The following PRSS54 variants were observed in gnomAD, a reference collection of about 807,000 sequenced individuals.
The protein encoded by PRSS54 is serine protease 54, also known as inactive serine protease 54.
PRSS54 carries 16 observed loss-of-function variants against 19.9 expected under a neutral mutation model. That is an observed-to-expected ratio of 0.80 (90% CI 0.54 to 1.22). The LOEUF is 1.22. Among genes scored for constraint, PRSS54 ranks in the 50% most tolerant of loss-of-function variants. PRSS54 has a pLI of 0.00. For missense variants in PRSS54, 444 were observed against 494.8 expected (o/e 0.90, Z 0.97); for synonymous variants, 177 against 195.8 (o/e 0.90, Z 0.80).
At chr16:58,283,346 G>A (rs376145299) in intron 6 of PRSS54, 1 of 152,178 alleles carries the variant, frequency 6.6e-6, no homozygotes. Context: ...AAAAATGAAG[G>A]CATGTTTAGA....
At chr16:58,293,117 G>T (rs2142655929) in intron 3 of PRSS54, among the ~76,000 whole-genome samples, 1 of 152,150 alleles carries the variant, frequency 6.6e-6, no homozygotes, top group East Asian at 1.9e-4. Context: ...GTATGTGAGG[G>T]TGTGTGTGGA....
intron 3 of PRSS54, among the ~76,000 whole-genome samples, chr16:58,293,126 G>A (rs1490762590): frequency 6.6e-6 from 1 of 151,648 alleles, no homozygotes; most frequent in East Asian, 1.9e-4. Flanking sequence ...GGTGTGTGTG[G>A]ACTTTCTCAT....
intron 2 of PRSS54, 29 bp from the exon 3 acceptor site, chr16:58,293,851 C>T: frequency 6.3e-7 from 1 of 1,582,200 alleles, no homozygotes; most frequent in Non-Finnish European, 8.6e-7. Flanking sequence ...ATGACTCCAT[C>T]CTCTTCCCAA....
intron 3 of PRSS54, 134 bp from the exon 4 acceptor site, chr16:58,291,270 T>A: frequency 1.3e-6 from 1 of 793,450 alleles, no homozygotes; most frequent in Non-Finnish European, 1.9e-6. Context: ...TGTGTCTTCT[T>A]CACCCTAAAA....
Position 58,285,744 on chromosome 16 carries a change from A to AAAGAAG in PRSS54, c.522+187_522+192dup, listed in dbSNP as rs1555513785. On this transcript the variant is annotated intron_variant, in intron 5 of 6. Coordinates refer to ENST00000567164, the MANE Select transcript of PRSS54 (RefSeq NM_001305173.2). ...GTCTCAAAAAAAAAAAAAAAAAAAA[A>AAAGAAG]AAGAAGAAGAAGAAGAAGAGTGGCT... Among the ~76,000 whole-genome samples, 53 of 77,326 alleles carry AAAGAAG rather than the reference A, an allele frequency of 6.9e-4. 1 individual carries two copies. The highest frequency in any genetic ancestry group is 2.2e-3 in the African/African-American group (31 of 13,962). 50.7% of individuals were successfully genotyped at this position (77,326 alleles called of 152,430 possible). A position where few individuals can be genotyped will look rare whatever the true frequency, so the allele number is the denominator to read the frequency against.
Position 58,280,379 on chromosome 16 carries a change from T to C in PRSS54, c.1033A>G (p.Arg345Gly). ...GGTTGTACAGACGCCTCAGGAGACC[T>C]GCCTGATTCCTTTACATCCTTCTCC... ...VREKDVKESG[R>G]SPEASVQPLY... The change falls in exon 7 of 7, where the codon AGG (arginine) becomes GGG (glycine). Residue 345 changes from arginine (R) to glycine (G), a missense_variant. Physicochemically the swap from Arg to Gly is moderately radical, Grantham distance 125 (BLOSUM62 -2). Transcript: ENST00000567164. 1.2e-6 allele frequency: 2 copies of C among 1,614,204 alleles called. No individual in the cohort carries two copies. Among genetic ancestry groups the C allele is most frequent in the Non-Finnish European group, 1.7e-6 (2 of 1,180,032 alleles).
At chr16:58,293,582 C>T (rs1204840079) in intron 3 of PRSS54, 150 bp downstream of exon 3, 5 of 1,474,390 alleles carry the variant, frequency 3.4e-6, no homozygotes, top group Non-Finnish European at 4.5e-6. Flanking sequence ...CTGGTTCCTG[C>T]CACCAATGCA....
rs17241091 is a variant in PRSS54, at chr16:58,280,044, G to A, written c.*180C>T. The A allele has an allele frequency of 0.062, 41,014 of 662,238 alleles. 1,435 individuals are homozygous for A. Among genetic ancestry groups the A allele is most frequent in the Middle Eastern group, 0.1 (252 of 2,412 alleles). 41.0% of individuals were successfully genotyped at this position (662,238 alleles called of 1,614,324 possible). ...CATTTAGTTCACAAGCATAGTGAAA[G>A]TGACCTTCCCACACCTGGGAGAGGG... On this transcript the variant is annotated 3_prime_UTR_variant, in exon 7 of 7. Coordinates refer to ENST00000567164, the MANE Select transcript of PRSS54 (RefSeq NM_001305173.2).
At chr16:58,285,215 G>T (rs1964886696) in intron 5 of PRSS54, 1 of 156,970 alleles carries the variant, frequency 6.4e-6, no homozygotes, top group Admixed American at 6.1e-5. Flanking sequence ...GTGCAAACAG[G>T]CAGAGAACAC....
chr16:58,292,429 A>G (rs1567516936), intron 3 of PRSS54, among the ~76,000 whole-genome samples: 2 of 152,174 alleles, frequency 1.3e-5, no homozygotes, highest in Admixed American at 6.5e-5. Flanking sequence ...CAGGACATAA[A>G]GTCTCGGAGG....
intron 4 of PRSS54, among the ~76,000 whole-genome samples, chr16:58,287,808 G>A (rs916887284): frequency 6.6e-6 from 1 of 152,090 alleles, no homozygotes; most frequent in African/African-American, 2.4e-5. Flanking sequence ...CAAAGATGAG[G>A]TCATCTTAAT....
rs1243371141 is a variant in PRSS54, at chr16:58,294,080, C to T, written c.-102G>A. On this transcript the variant is annotated 5_prime_UTR_variant, in exon 2 of 7. Coordinates refer to ENST00000567164, the MANE Select transcript of PRSS54 (RefSeq NM_001305173.2). ...GAGATGGCCAGAGAAGAGAGGGCAGCTTACTCTTGTCAGTTTTCTTCTCAA... is the reference window on the plus strand; with the variant it reads ...GAGATGGCCAGAGAAGAGAGGGCAGTTTACTCTTGTCAGTTTTCTTCTCAA... The T allele has an allele frequency of 2.1e-6, 1 of 477,686 alleles. No individual in the cohort carries two copies. The highest frequency in any genetic ancestry group is 1.9e-5 in the African/African-American group (1 of 51,306). 29.6% of individuals were successfully genotyped at this position (477,686 alleles called of 1,614,324 possible). A position where few individuals can be genotyped will look rare whatever the true frequency, so the allele number is the denominator to read the frequency against.
At chr16:58,282,718 C>T (rs1964801766) in intron 6 of PRSS54, 2 of 152,262 alleles carry the variant, frequency 1.3e-5, no homozygotes, top group Admixed American at 1.3e-4. Context: ...TTGTGTGCAC[C>T]TCACTATGTC....
chr16:58,286,361 A>T (rs1048098780), intron 4 of PRSS54, among the ~76,000 whole-genome samples, 166 bp from the exon 5 acceptor site: 1 of 152,176 alleles, frequency 6.6e-6, no homozygotes, highest in Non-Finnish European at 1.5e-5. Flanking sequence ...GAAATCTTTT[A>T]TGAACCCCTA....
chr16:58,284,023 T>C (rs1964850534), intron 6 of PRSS54, among the ~76,000 whole-genome samples: 1 of 152,100 alleles, frequency 6.6e-6, no homozygotes, highest in African/African-American at 2.4e-5. Context: ...TAGACCTAGG[T>C]CCTTGTCTTT....
At chr16:58,293,557 G>T in intron 3 of PRSS54, 175 bp downstream of exon 3, 1 of 985,424 alleles carries the variant, frequency 1.0e-6, no homozygotes, top group Non-Finnish European at 1.2e-6. Context: ...CACGTCCCAT[G>T]ATTCACTTCT....
At position 58,280,100 on chromosome 16, in the gene PRSS54, C is replaced by T; in HGVS notation, c.*124G>A. 3 of 972,504 alleles carry T rather than the reference C, an allele frequency of 3.1e-6. No individual in the cohort carries two copies. Among genetic ancestry groups the T allele is most frequent in the Non-Finnish European group, 4.6e-6 (3 of 650,426 alleles). The allele number at this position is 972,504 out of a possible 1,614,324, so 60.2% of individuals were successfully genotyped here. ...GGAGGGAGAGCCAGCCCAGTGTATG[C>T]CATGGGCTTATCCGTGGCAGCCCCA... is the stretch of plus-strand genomic sequence containing the variant. On this transcript the variant is annotated 3_prime_UTR_variant, in exon 7 of 7. Coordinates refer to ENST00000567164, the MANE Select transcript of PRSS54 (RefSeq NM_001305173.2).
In PRSS54 at chr16:58,294,018, A is replaced by T. The variant is rs1965095123; in HGVS notation, c.-40T>A. On this transcript the variant is annotated 5_prime_UTR_variant, in exon 2 of 7. Coordinates refer to ENST00000567164, the MANE Select transcript of PRSS54 (RefSeq NM_001305173.2). ...TCCCTAGTGCTTGGTTCTGTGTGGT[A>T]AAGAGGCAGGACCAGTTGGCCCGCA... is the stretch of plus-strand genomic sequence containing the variant. 3.4e-6 allele frequency: 2 copies of T among 590,448 alleles called. No individual in the cohort carries two copies. Among genetic ancestry groups the T allele is most frequent in the African/African-American group, 3.7e-5 (2 of 53,648 alleles). The allele number at this position is 590,448 out of a possible 1,614,324, so 36.6% of individuals were successfully genotyped here.
chr16:58,281,295 G>A (rs1355502281), intron 6 of PRSS54: 2 of 157,980 alleles, frequency 1.3e-5, no homozygotes, highest in Non-Finnish European at 2.8e-5. Flanking sequence ...GTAGAAGCTT[G>A]GCATCATTAG....
Sources: gnomAD v4.1 joint callset for allele counts (sites outside exome capture counted in the v4.1 genomes callset) on GRCh38, gnomAD v4.1.1 for gene constraint, MANE v1.5 for transcripts, NCBI Gene and HGNC (gene_info 2026-07-23, HGNC 2026-07-21) for gene names.